CDH23: variants seen among roughly 807,000 people sequenced by gnomAD.
CDH23 encodes cadherin-23.
Under a neutral mutation model 317.1 loss-of-function variants are expected in CDH23, and 189 were observed. That is an observed-to-expected ratio of 0.60 (90% CI 0.53 to 0.67). The LOEUF is 0.67. Ranked by LOEUF, CDH23 falls within the 30% of genes least tolerant of loss-of-function variation. CDH23 has a pLI of 0.00. For missense variants in CDH23, 4,401 were observed against 4,592.4 expected (o/e 0.96, Z 1.20); for synonymous variants, 1,839 against 1,876.8 (o/e 0.98, Z 0.52).
At chr10:71,447,985 C>T (rs1850252329) in intron 3 of CDH23, among the ~76,000 whole-genome samples, 1 of 152,204 alleles carries the variant, frequency 6.6e-6, no homozygotes, top group Non-Finnish European at 1.5e-5. Flanking sequence ...AAATCTCATC[C>T]TCTGGGAGAT....
At chr10:71,696,885 G>A (rs1865410527) in intron 22 of CDH23, among the ~76,000 whole-genome samples, 1 of 152,230 alleles carries the variant, frequency 6.6e-6, no homozygotes, top group Non-Finnish European at 1.5e-5. Flanking sequence ...TTTGGTGGGT[G>A]CTCTCTGCTG....
At chr10:71,792,126 A>T (rs1334042066) in intron 47 of CDH23, among the ~76,000 whole-genome samples, 1 of 152,204 alleles carries the variant, frequency 6.6e-6, no homozygotes, top group Non-Finnish European at 1.5e-5. Flanking sequence ...CCAGAAACAG[A>T]TACTGGTAAA....
intron 67 of CDH23, 46 bp from the exon 68 acceptor site, chr10:71,812,720 ATG>A (rs775265350): frequency 6.2e-7 from 1 of 1,612,664 alleles, no homozygotes; most frequent in South Asian, 1.1e-5. Flanking sequence ...TCCCTTGTAC[ATG>A]TGTGTGGGGT....
chr10:71,616,266 G>A lies in CDH23; in HGVS notation c.945+650G>A, dbSNP rs140724277. ...CCATCAGCCGTTGATTGAGAGAAACGGGTGGCCCAAAGACTGAGGCCAGGG... is the reference window on the plus strand; with the variant it reads ...CCATCAGCCGTTGATTGAGAGAAACAGGTGGCCCAAAGACTGAGGCCAGGG... On this transcript the variant is annotated intron_variant, in intron 10 of 69. Coordinates refer to ENST00000224721, the MANE Select transcript of CDH23 (RefSeq NM_022124.6). Among the ~76,000 whole-genome samples, 483 of 152,364 alleles carry A rather than the reference G, an allele frequency of 3.2e-3. 4 individuals carry two copies. The highest frequency in any genetic ancestry group is 0.011 in the African/African-American group (445 of 41,582).
rs749507187 is a variant in CDH23 at position 71,807,854 on chromosome 10, A to C, written c.8569A>C (p.Thr2857Pro). ...TKAEYTAGVA[T>P]DAKVGSELIQ... is the part of the protein sequence containing the mutation. ...CCTGCCTCTTCCTGCAGGGGTGGCC[A>C]CCGACGCCAAGGTGGGCTCAGAGTT... The change falls in exon 60 of 70, where the codon ACC (threonine) becomes CCC (proline). Residue 2857 changes from threonine (T) to proline (P), a missense_variant. Thr to Pro is a conservative substitution (Grantham distance 38). This residue lies in a region of CDH23 where 1,144 missense variants were observed against 1,138.2 expected (regional missense o/e 1.01). Coordinates refer to ENST00000224721, the MANE Select transcript of CDH23 (RefSeq NM_022124.6). 1 of 1,601,484 alleles carries C rather than the reference A, an allele frequency of 6.2e-7. No homozygotes were observed. Among genetic ancestry groups the C allele is most frequent in the Admixed American group, 1.7e-5 (1 of 58,028 alleles).
At chr10:71,802,413 A>T (rs1336383539) in intron 53 of CDH23, among the ~76,000 whole-genome samples, 2 of 152,224 alleles carry the variant, frequency 1.3e-5, no homozygotes, top group African/African-American at 4.8e-5. Context: ...CTGTGTCTGT[A>T]AGACCTGCCC....
rs554036391 is a variant in CDH23, at chr10:71,805,871, G to C, written c.7938G>C (p.Gly2646=). The C allele has an allele frequency of 1.9e-6, 3 of 1,613,852 alleles. No individual in the cohort carries two copies. The highest frequency in any genetic ancestry group is 4.5e-5 in the East Asian group (2 of 44,882). ...YATDKDEGLN[G]AVRYSFLKTA... ...CGGACAAGGATGAGGGCCTCAACGGGGCGGTGCGCTACAGCTTCCTGAAGA... is the reference window on the plus strand; with the variant it reads ...CGGACAAGGATGAGGGCCTCAACGGCGCGGTGCGCTACAGCTTCCTGAAGA... Residue 2646 remains glycine, a synonymous_variant, in exon 56 of 70, where the codon GGG becomes GGC. Coordinates refer to ENST00000224721, the MANE Select transcript of CDH23 (RefSeq NM_022124.6).
Position 71,790,419 on chromosome 10 carries a change from G to A in CDH23, c.6049+6G>A, listed in dbSNP as rs1841215977. The A allele has an allele frequency of 3.1e-6, 5 of 1,611,592 alleles. No homozygotes were observed. The highest frequency in any genetic ancestry group is 4.2e-6 in the Non-Finnish European group (5 of 1,179,436). ...TGACATCAACAGCAGCACCGGTGAG[G>A]CCTCTGTGCCACCCAGCACTCCCAG... is the stretch of plus-strand genomic sequence containing the variant. On this transcript the variant is annotated splice_donor_region_variant and intron_variant, in intron 46 of 69. Transcript: ENST00000224721.
chr10:71,695,396 A>G (rs1430106249), intron 21 of CDH23, 22 bp from the exon 22 acceptor site: 1 of 1,553,498 alleles, frequency 6.4e-7, no homozygotes, highest in Non-Finnish European at 8.9e-7. Flanking sequence ...TGTGTCTCCC[A>G]GCGCCCCTTA....
At chr10:71,775,934 C>T (rs1224654263) in intron 38 of CDH23, among the ~76,000 whole-genome samples, 2 of 152,172 alleles carry the variant, frequency 1.3e-5, no homozygotes, top group African/African-American at 4.8e-5. Flanking sequence ...CCTGAGTCCC[C>T]TTACTTGCCG....
At chr10:71,799,377 CT>C (rs1258935764) in intron 51 of CDH23, 97 bp downstream of exon 51, 21 of 1,603,944 alleles carry the variant, frequency 1.3e-5, no homozygotes, top group Admixed American at 1.7e-5. Flanking sequence ...TCTAAGCCCC[CT>C]GGGAGTGCCC....
rs77007629 is a variant in CDH23 at position 71,654,153 on chromosome 10, T to C, written c.1449+7536T>C. ...TCGGAGGGACGCAGACGATAGTTGC[T>C]GCCAGGTGTGCGACCTGTGCGGTGG... On this transcript the variant is annotated intron_variant, in intron 14 of 69. Coordinates refer to ENST00000224721, the MANE Select transcript of CDH23 (RefSeq NM_022124.6). Among the ~76,000 whole-genome samples, 1,104 of 152,316 alleles carry C rather than the reference T, an allele frequency of 7.2e-3. 6 individuals carry two copies. The highest frequency in any genetic ancestry group is 0.012 in the Non-Finnish European group (788 of 68,024).
intron 6 of CDH23, among the ~76,000 whole-genome samples, chr10:71,516,203 T>C (rs1203125930): frequency 1.3e-5 from 2 of 152,220 alleles, no homozygotes. Context: ...AGTGAGCCTC[T>C]GTGTCCCTGC....
intron 27 of CDH23, 102 bp from the exon 28 acceptor site, chr10:71,712,563 C>G (rs1866017412): frequency 7.2e-7 from 1 of 1,384,812 alleles, no homozygotes; most frequent in Admixed American, 1.9e-5. Context: ...TGGGGCGGAA[C>G]AGGGCACCTC....
chr10:71,461,423 C>G (rs1170563607), intron 3 of CDH23, among the ~76,000 whole-genome samples: 1 of 152,212 alleles, frequency 6.6e-6, no homozygotes, highest in Non-Finnish European at 1.5e-5. Flanking sequence ...CAGCCTTAGG[C>G]TGGGGAAGCC....
intron 32 of CDH23, 41 bp from the exon 33 acceptor site, chr10:71,734,199 G>C: frequency 6.6e-7 from 1 of 1,516,026 alleles, no homozygotes; most frequent in Non-Finnish European, 9.0e-7. Context: ...GTTAACAAGG[G>C]TGCGATGTTG....
chr10:71,408,872 C>T (rs1203101193), intron 1 of CDH23, among the ~76,000 whole-genome samples: 1 of 152,242 alleles, frequency 6.6e-6, no homozygotes, highest in Non-Finnish European at 1.5e-5. Context: ...TTCCTTTCAA[C>T]TGCCTGGCTC....
At chr10:71,626,641 A>G (rs1861749698) in intron 11 of CDH23, among the ~76,000 whole-genome samples, 1 of 152,152 alleles carries the variant, frequency 6.6e-6, no homozygotes, top group South Asian at 2.1e-4. Context: ...CTGTCTCCTA[A>G]GCAACTTGAA....
chr10:71,617,652 T>G (rs1861264553), intron 11 of CDH23: 1 of 510,854 alleles, frequency 2.0e-6, no homozygotes, highest in African/African-American at 2.1e-5. Context: ...TACATGATCA[T>G]CATACTAATC....
Sources: gnomAD v4.1 joint callset for allele counts (sites outside exome capture counted in the v4.1 genomes callset) on GRCh38, gnomAD v4.1.1 for gene constraint, gnomAD v4.1.1 regional missense constraint, MANE v1.5 for transcripts, NCBI Gene and HGNC (gene_info 2026-07-23, HGNC 2026-07-21) for gene names.